The following PIAS1 variants were observed in gnomAD, a reference collection of about 807,000 sequenced individuals.
PIAS1 encodes the protein E3 SUMO-protein ligase PIAS1.
In PIAS1, 6 loss-of-function variants were observed where a neutral mutation model predicts 71.3. The ratio of observed to expected loss-of-function variants is 0.08; its 90% CI spans 0.05 to 0.17. The LOEUF is 0.17. Among genes scored for constraint, PIAS1 ranks in the 10% least tolerant of loss-of-function variants. The pLI is 1.00. For missense variants in PIAS1, 555 were observed against 793.6 expected (o/e 0.70, Z 3.61); for synonymous variants, 303 against 292.9 (o/e 1.03, Z -0.35).
In PIAS1 at chr15:68,102,038, G is replaced by C. The variant is rs185076821; in HGVS notation, c.469+15288G>C. ...GGCGTGAGCCACAGTGCCTAGCCAA[G>C]TCAAAAACCTCTCTGCCTGACTTTA... On this transcript the variant is annotated intron_variant, in intron 2 of 13. Coordinates refer to ENST00000249636, the MANE Select transcript of PIAS1 (RefSeq NM_016166.3). 1.6e-4 allele frequency among the ~76,000 whole-genome samples: 25 copies of C among 152,294 alleles called. No homozygotes were observed. In the East Asian group the frequency reaches 3.3e-3, roughly 20 times the overall value.
chr15:68,122,918 G>A (rs543525863), intron 2 of PIAS1, among the ~76,000 whole-genome samples: 1 of 150,668 alleles, frequency 6.6e-6, no homozygotes, highest in African/African-American at 2.4e-5. Flanking sequence ...TAAGAAAATA[G>A]AATTTTATTT....
intron 2 of PIAS1, among the ~76,000 whole-genome samples, chr15:68,112,092 A>G (rs1262010778): frequency 2.6e-5 from 4 of 152,146 alleles, no homozygotes; most frequent in Non-Finnish European, 4.4e-5. Context: ...TTCCACCAAT[A>G]TATACCTTAT....
intron 2 of PIAS1, among the ~76,000 whole-genome samples, chr15:68,112,527 C>A (rs1595734217): frequency 6.6e-6 from 1 of 152,052 alleles, no homozygotes; most frequent in African/African-American, 2.4e-5. Context: ...AAAAAGTAGT[C>A]ATTTCCCAGT....
At chr15:68,127,880 A>G (rs541158510) in intron 2 of PIAS1, among the ~76,000 whole-genome samples, 2 of 152,212 alleles carry the variant, frequency 1.3e-5, no homozygotes, top group African/African-American at 4.8e-5. Flanking sequence ...CTCCTGCTTC[A>G]GCCTCCCAAG....
chr15:68,131,492 T>G (rs1444687640), intron 2 of PIAS1, among the ~76,000 whole-genome samples: 1 of 147,354 alleles, frequency 6.8e-6, no homozygotes, highest in Admixed American at 6.8e-5. Flanking sequence ...AAAAAAAAAC[T>G]TATTTCTCCT....
At chr15:68,099,756 G>A (rs1192516042) in intron 2 of PIAS1, among the ~76,000 whole-genome samples, 4 of 151,584 alleles carry the variant, frequency 2.6e-5, no homozygotes, top group Non-Finnish European at 4.4e-5. Flanking sequence ...TTGTATGAGA[G>A]GTCCAGTTTT....
intron 2 of PIAS1, among the ~76,000 whole-genome samples, chr15:68,127,903 C>T (rs1301790899): frequency 6.6e-6 from 1 of 152,138 alleles, no homozygotes; most frequent in South Asian, 2.1e-4. Flanking sequence ...GCTAGGATTA[C>T]AGGTGCACGC....
chr15:68,056,652 G>C (rs984764008), intron 1 of PIAS1, among the ~76,000 whole-genome samples: 1 of 151,832 alleles, frequency 6.6e-6, no homozygotes, highest in African/African-American at 2.4e-5. Context: ...TGGTGATAGC[G>C]GCGTTAAAAA....
chr15:68,093,661 C>A (rs1214663757), intron 2 of PIAS1, among the ~76,000 whole-genome samples: 2 of 152,134 alleles, frequency 1.3e-5, no homozygotes, highest in Admixed American at 1.3e-4. Flanking sequence ...CATTTAGCTC[C>A]CTTTACCCCT....
intron 11 of PIAS1, among the ~76,000 whole-genome samples, chr15:68,176,999 G>A (rs1431923741): frequency 2.6e-5 from 4 of 152,190 alleles, no homozygotes; most frequent in African/African-American, 9.6e-5. Context: ...GTCTTTCTAG[G>A]CCAGGCGTCA....
chr15:68,182,922 T>C (rs2093064502), intron 12 of PIAS1, among the ~76,000 whole-genome samples: 1 of 152,208 alleles, frequency 6.6e-6, no homozygotes. Flanking sequence ...TGTTTTACCT[T>C]TCCCCAAGTT....
At chr15:68,126,532 TC>T (rs1460615687) in intron 2 of PIAS1, among the ~76,000 whole-genome samples, 1 of 152,164 alleles carries the variant, frequency 6.6e-6, no homozygotes, top group East Asian at 1.9e-4. Flanking sequence ...AACCTCCACC[TC>T]CCGGATTCAA....
intron 12 of PIAS1, among the ~76,000 whole-genome samples, chr15:68,183,129 C>A (rs548130272): frequency 6.6e-6 from 1 of 152,302 alleles, no homozygotes; most frequent in East Asian, 1.9e-4. Flanking sequence ...TCCCCTCATG[C>A]CACTGCAGTC....
At chr15:68,098,668 A>G (rs2092398090) in intron 2 of PIAS1, among the ~76,000 whole-genome samples, 1 of 152,120 alleles carries the variant, frequency 6.6e-6, no homozygotes, top group Non-Finnish European at 1.5e-5. Flanking sequence ...AGTTCTTTTT[A>G]TATTTTTACT....
rs761592593 is a variant in PIAS1, at chr15:68,190,480, CTT to C, written c.*2651_*2652del. The C allele has an allele frequency of 9.2e-5, 14 of 152,172 alleles. No individual in the cohort carries two copies. Among genetic ancestry groups the C allele is most frequent in the African/African-American group, 3.4e-4 (14 of 41,434 alleles). 9.4% of individuals were successfully genotyped at this position (152,172 alleles called of 1,614,324 possible). ...AGAAAAGCACATAGTCACTTCATCTCTTTTTTTCTTAGCCTACGCTCACTCCC... is the reference window on the plus strand; with the variant it reads ...AGAAAAGCACATAGTCACTTCATCTCTTTTTCTTAGCCTACGCTCACTCCC... On this transcript the variant is annotated 3_prime_UTR_variant, in exon 14 of 14. Coordinates refer to ENST00000249636, the MANE Select transcript of PIAS1 (RefSeq NM_016166.3). This position sits in a 1 kb window ranked among gnomAD's most constrained non-coding sequence, Gnocchi z 4.7.
At chr15:68,142,976 C>T (rs1406106102) in intron 4 of PIAS1, among the ~76,000 whole-genome samples, 5 of 151,950 alleles carry the variant, frequency 3.3e-5, no homozygotes, top group Non-Finnish European at 5.9e-5. Context: ...ATTCACAACC[C>T]CTTATTGAGT....
chr15:68,151,963 G>A (rs1453991591), intron 6 of PIAS1, among the ~76,000 whole-genome samples: 2 of 4,294 alleles, frequency 4.7e-4, no homozygotes, highest in Admixed American at 4.1e-3. Flanking sequence ...TTTTTTTTGG[G>A]GGGGGAGACA....
At chr15:68,147,245 T>C (rs1004451438) in intron 6 of PIAS1, among the ~76,000 whole-genome samples, 1 of 152,234 alleles carries the variant, frequency 6.6e-6, no homozygotes, top group African/African-American at 2.4e-5. Context: ...TTCAGTGTTA[T>C]TTGCGTGCTC....
intron 2 of PIAS1, among the ~76,000 whole-genome samples, chr15:68,100,698 G>GTAGTTT (rs1306119759): frequency 2.0e-5 from 3 of 152,064 alleles, no homozygotes; most frequent in Non-Finnish European, 4.4e-5. Context: ...GGGCTGTATG[G>GTAGTTT]TAGTTTTAGT....
Sources: allele counts gnomAD v4.1 joint callset (sites outside exome capture counted in the v4.1 genomes callset), GRCh38; gene constraint gnomAD v4.1.1; non-coding constraint Gnocchi (gnomAD v3.1); transcripts MANE v1.5; gene names NCBI Gene and HGNC (gene_info 2026-07-23, HGNC 2026-07-21).